The following LINGO1 variants were observed in gnomAD, a reference collection of about 807,000 sequenced individuals.
LINGO1 encodes leucine-rich repeat and immunoglobulin-like domain-containing nogo receptor-interacting protein 1.
LINGO1 carries 11 observed loss-of-function variants against 37.3 expected under a neutral mutation model. The observed-to-expected ratio is 0.29, with a 90% confidence interval of 0.19 to 0.49. The LOEUF is 0.49. LINGO1 is among the 20% of genes least tolerant of loss of function. LINGO1 has a pLI of 0.99. For missense variants in LINGO1, 585 were observed against 878.2 expected, an observed-to-expected ratio of 0.67 and a Z score of 4.22; for synonymous variants, 387 against 403.0, an observed-to-expected ratio of 0.96 and a Z score of 0.48.
intron 2 of LINGO1, among the ~76,000 whole-genome samples, chr15:77,708,869 G>A (rs955569747): frequency 9.2e-5 from 14 of 152,162 alleles, no homozygotes; most frequent in Admixed American, 1.3e-4. Context: ...AGCAGAGATC[G>A]TACCACTGCA....
At chr15:77,641,379 G>A (rs1414347653) in intron 3 of LINGO1, among the ~76,000 whole-genome samples, 1 of 152,184 alleles carries the variant, frequency 6.6e-6, no homozygotes, top group Non-Finnish European at 1.5e-5. Flanking sequence ...AACGAAGGAG[G>A]GCTCCTTAAT....
intron 1 of LINGO1, among the ~76,000 whole-genome samples, chr15:77,744,988 C>T (rs1431626974): frequency 6.6e-6 from 1 of 151,444 alleles, no homozygotes; most frequent in Non-Finnish European, 1.5e-5. Flanking sequence ...CATGGTGGTA[C>T]ACACTTGTAA....
chr15:77,671,302 G>A (rs1227141034), intron 3 of LINGO1, among the ~76,000 whole-genome samples: 4 of 122,078 alleles, frequency 3.3e-5, no homozygotes. Flanking sequence ...AGAAGAGGGA[G>A]AAGGTAGAGG....
At chr15:77,643,380 G>A (rs984167341) in intron 3 of LINGO1, among the ~76,000 whole-genome samples, 1 of 152,142 alleles carries the variant, frequency 6.6e-6, no homozygotes, top group Non-Finnish European at 1.5e-5. Context: ...GTCCGCAGTG[G>A]GAAGGGCCCT....
chr15:77,720,449 G>C (rs1053530805), intron 2 of LINGO1, among the ~76,000 whole-genome samples: 1 of 152,222 alleles, frequency 6.6e-6, no homozygotes. Flanking sequence ...TCGCCTTTTG[G>C]AATCTGCATG....
chr15:77,729,901 G>A (rs1351196922), intron 2 of LINGO1, among the ~76,000 whole-genome samples: 1 of 152,146 alleles, frequency 6.6e-6, no homozygotes, highest in Non-Finnish European at 1.5e-5. Flanking sequence ...GCCTTGAATT[G>A]TCTACCTTGG....
At chr15:77,756,485 G>GACACACACAC (rs35031617) in intron 1 of LINGO1, among the ~76,000 whole-genome samples, 7 of 140,710 alleles carry the variant, frequency 5.0e-5, no homozygotes, top group African/African-American at 1.4e-4. Flanking sequence ...CAGACAGACA[G>GACACACACAC]ACACACACAC....
chr15:77,757,422 T>A (rs1567566602), intron 1 of LINGO1, among the ~76,000 whole-genome samples: 1 of 152,146 alleles, frequency 6.6e-6, no homozygotes, highest in Non-Finnish European at 1.5e-5. Context: ...GAGGTGGCTG[T>A]GGGAACACCA....
At chr15:77,641,704 G>C in intron 3 of LINGO1, 1 of 378,574 alleles carries the variant, frequency 2.6e-6, no homozygotes, top group Non-Finnish European at 5.3e-6. Flanking sequence ...CCACCATCTT[G>C]ACCCACTGTG....
intron 1 of LINGO1, among the ~76,000 whole-genome samples, chr15:77,759,721 A>G (rs1426335654): frequency 6.6e-6 from 1 of 152,238 alleles, no homozygotes; most frequent in Non-Finnish European, 1.5e-5. Context: ...CTGGGGAGAA[A>G]GGTGCCAGTT....
chr15:77,820,252 G>A (rs1252529194), intron 1 of LINGO1: 2 of 152,246 alleles, frequency 1.3e-5, no homozygotes, highest in Non-Finnish European at 2.9e-5. Context: ...TAAAGGGATA[G>A]CGCACCCGGC....
chr15:77,813,342 G>A (rs868375238), intron 1 of LINGO1, among the ~76,000 whole-genome samples: 14 of 152,340 alleles, frequency 9.2e-5, no homozygotes, highest in African/African-American at 1.9e-4. Context: ...GGAGGACAGC[G>A]ACAGCCCATC....
chr15:77,698,277 A>G (rs2075723060), upstream of LINGO1, among the ~76,000 whole-genome samples: 1 of 152,188 alleles, frequency 6.6e-6, no homozygotes, highest in African/African-American at 2.4e-5. Context: ...AAAATCCATT[A>G]GTTACTTTGA....
At chr15:77,646,713 AC>A (rs1276312460) in intron 3 of LINGO1, among the ~76,000 whole-genome samples, 1 of 152,190 alleles carries the variant, frequency 6.6e-6, no homozygotes, top group Admixed American at 6.5e-5. Context: ...CCCCAGGAGC[AC>A]CCCAGGAAGG....
chr15:77,699,361 C>T (rs2075738807), upstream of LINGO1, among the ~76,000 whole-genome samples: 1 of 16,930 alleles, frequency 5.9e-5, no homozygotes, highest in African/African-American at 2.4e-4. Flanking sequence ...TAAGTGCATA[C>T]TAACCATCAT....
chr15:77,777,465 GCACA>G (rs112112009), intron 1 of LINGO1, among the ~76,000 whole-genome samples: 2,193 of 140,080 alleles, frequency 0.016, 48 homozygotes, highest in African/African-American at 0.054. Context: ...ATACACACAC[GCACA>G]CACACACACA....
intron 1 of LINGO1, among the ~76,000 whole-genome samples, chr15:77,617,355 C>T (rs569336480): frequency 1.3e-5 from 2 of 150,760 alleles, no homozygotes; most frequent in South Asian, 2.1e-4. Context: ...TAGGTCAGAC[C>T]CTAGGAGCTG....
At chr15:77,717,507 G>A (rs2075998815) in intron 2 of LINGO1, among the ~76,000 whole-genome samples, 1 of 150,720 alleles carries the variant, frequency 6.6e-6, no homozygotes, top group African/African-American at 2.4e-5. Flanking sequence ...CCCTCCACTG[G>A]CACACCACGT....
At chr15:77,790,706 G>C (rs75237514), upstream of LINGO1, among the ~76,000 whole-genome samples, 603 of 152,264 alleles carry the variant, frequency 4.0e-3, 4 homozygotes, top group African/African-American at 0.014. Flanking sequence ...GCTGGGTTTG[G>C]GGGGGTGGAA....
Sources: allele counts gnomAD v4.1 joint callset (sites outside exome capture counted in the v4.1 genomes callset), GRCh38; gene constraint gnomAD v4.1.1; transcripts MANE v1.5; gene names NCBI Gene and HGNC (gene_info 2026-07-23, HGNC 2026-07-21).